The following DNAJC13 variants were observed in gnomAD, a reference collection of about 807,000 sequenced individuals.
DNAJC13 encodes the protein DnaJ heat shock protein family (Hsp40) member C13.
DNAJC13 carries 75 observed loss-of-function variants against 290.5 expected under a neutral mutation model. The observed-to-expected ratio is 0.26, with a 90% CI of 0.21 to 0.31. DNAJC13 has a LOEUF of 0.31. DNAJC13 is among the 10% of genes least tolerant of loss of function. DNAJC13 has a pLI of 1.00. For missense variants in DNAJC13, 2,260 were observed against 2,674.5 expected (o/e 0.85, Z 3.42); for synonymous variants, 862 against 892.0 (o/e 0.97, Z 0.60).
chr3:132,456,528 G>C lies in DNAJC13; in HGVS notation c.1127G>C (p.Arg376Thr). 1 of 1,613,908 alleles carries C rather than the reference G, an allele frequency of 6.2e-7. No individual in the cohort carries two copies. ...PNGNFADAVF[R>T]FNANISYSGV... ...GGCAACTTTGCAGATGCTGTATTCAGGTTCAATGCTAATATTTCATACAGT... is the reference window on the plus strand; with the variant it reads ...GGCAACTTTGCAGATGCTGTATTCACGTTCAATGCTAATATTTCATACAGT... Residue 376 changes from arginine to threonine, a missense_variant, in exon 11 of 56, where the codon AGG becomes ACG. Arg to Thr is a moderately conservative substitution (Grantham distance 71, BLOSUM62 -1). Coordinates refer to ENST00000260818, the MANE Select transcript of DNAJC13 (RefSeq NM_015268.4).
At chr3:132,480,870 A>G (rs1188714526) in intron 26 of DNAJC13, among the ~76,000 whole-genome samples, 1 of 152,194 alleles carries the variant, frequency 6.6e-6, no homozygotes, top group Non-Finnish European at 1.5e-5. Context: ...TTATAGAAGA[A>G]TCTATCCTTA....
chr3:132,505,443 G>T (rs1935554315), intron 42 of DNAJC13, 28 bp downstream of exon 42: 3 of 1,424,686 alleles, frequency 2.1e-6, no homozygotes, highest in African/African-American at 1.4e-5. Flanking sequence ...AAATTTCTTG[G>T]GTAATTTATT....
chr3:132,433,542 C>T (rs992472358), intron 1 of DNAJC13, among the ~76,000 whole-genome samples: 2 of 152,186 alleles, frequency 1.3e-5, no homozygotes, highest in African/African-American at 4.8e-5. Context: ...CTCAGAATGG[C>T]TGGGGTTATA....
intron 2 of DNAJC13, among the ~76,000 whole-genome samples, chr3:132,438,445 ATAGT>A (rs1323949527): frequency 6.6e-6 from 1 of 152,242 alleles, no homozygotes; most frequent in Non-Finnish European, 1.5e-5. Context: ...TTGTTTCAGA[ATAGT>A]TAATTGAACC....
chr3:132,534,691 T>G (rs1936538387), intron 55 of DNAJC13, among the ~76,000 whole-genome samples: 1 of 152,180 alleles, frequency 6.6e-6, no homozygotes. Flanking sequence ...ATTTCAAGAA[T>G]TAAAGCTTCT....
At chr3:132,446,139 T>A (rs1040346907) in intron 2 of DNAJC13, among the ~76,000 whole-genome samples, 4 of 151,870 alleles carry the variant, frequency 2.6e-5, no homozygotes, top group Admixed American at 6.6e-5. Context: ...TTTTTTTTTT[T>A]AATAAAACTT....
At position 132,499,271 on chromosome 3, in the gene DNAJC13, C is replaced by G. The variant is rs376410559; in HGVS notation, c.4302C>G (p.Ala1434=). Residue 1434 remains alanine (A), a synonymous_variant, in exon 37 of 56, where the codon GCC becomes GCG. Coordinates refer to ENST00000260818, the MANE Select transcript of DNAJC13 (RefSeq NM_015268.4). ...CTTTCCATACTGTCAACTGTTCAGC[C>G]CTCAATGCTGAAGAGCTCAGAAGAG... is the stretch of plus-strand genomic sequence containing the variant. ...ELAFHTVNCS[A]LNAEELRREN... is the part of the protein sequence containing the mutation. The G allele has an allele frequency of 1.2e-6, 2 of 1,613,462 alleles. No homozygotes were observed. The highest frequency in any genetic ancestry group is 1.7e-6 in the Non-Finnish European group (2 of 1,179,662).
chr3:132,429,624 C>G (rs1306098499), intron 1 of DNAJC13, among the ~76,000 whole-genome samples: 1 of 152,114 alleles, frequency 6.6e-6, no homozygotes, highest in Non-Finnish European at 1.5e-5. Context: ...GCTTCCCTAC[C>G]TTTATTAAAG....
At chr3:132,467,089 G>C in intron 19 of DNAJC13, 81 bp from the exon 20 acceptor site, 1 of 1,449,180 alleles carries the variant, frequency 6.9e-7, no homozygotes, top group East Asian at 2.4e-5. Context: ...TTATAAAATA[G>C]ATAGAATGAC....
At chr3:132,517,717 G>T (rs965003207) in intron 48 of DNAJC13, among the ~76,000 whole-genome samples, 3 of 152,066 alleles carry the variant, frequency 2.0e-5, no homozygotes, top group Non-Finnish European at 4.4e-5. Context: ...CTAAAGCCAG[G>T]GTGGCTTCCT....
chr3:132,522,300 T>C (rs757008895), intron 48 of DNAJC13, among the ~76,000 whole-genome samples: 2 of 152,232 alleles, frequency 1.3e-5, no homozygotes, highest in Admixed American at 6.5e-5. Context: ...ATGTGCTAGA[T>C]GTATTTTTTA....
In DNAJC13 at chr3:132,488,985, A is replaced by T. The variant is rs867754342; in HGVS notation, c.3432A>T (p.Lys1144Asn). The T allele has an allele frequency of 6.2e-7, 1 of 1,609,054 alleles. No individual in the cohort carries two copies. The highest frequency in any genetic ancestry group is 1.7e-4 in the Middle Eastern group (1 of 5,986). The stretch of plus-strand genomic sequence containing the variant: ...TCATTTTTCTTTCTAGATTTTTGAA[A>T]TACACACATACCAAACAGGCTTTCA... ...SNVLPVARFL[K>N]YTHTKQAFKS... Residue 1144 changes from lysine to asparagine, a missense_variant, in exon 31 of 56, where the codon AAA becomes AAT. Transcript: ENST00000260818.
intron 1 of DNAJC13, among the ~76,000 whole-genome samples, chr3:132,418,274 A>G (rs1348232245): frequency 6.6e-6 from 1 of 151,784 alleles, no homozygotes; most frequent in Middle Eastern, 3.2e-3. Flanking sequence ...TTCTAAAATC[A>G]TTTTCTCCCC....
rs1935042725 is a variant in DNAJC13 at position 132,490,957 on chromosome 3, G to A, written c.3529G>A (p.Val1177Ile). Reference protein sequence around the residue: ...ILGHILPEAMVCYLENYEPEK... With the variant: ...ILGHILPEAMICYLENYEPEK... ...TGGGCACATTCTACCTGAAGCAATG[G>A]TTTGTTACTTAGAAAATTATGAACC... is the stretch of plus-strand genomic sequence containing the variant. Residue 1177 changes from valine to isoleucine, a missense_variant, in exon 32 of 56, where the codon GTT becomes ATT. Val to Ile is a conservative substitution (Grantham distance 29). Around this residue, in one of 3 missense-constraint regions of DNAJC13, gnomAD observed 1,494 missense variants for 1,693.7 expected, o/e 0.88. Transcript: ENST00000260818. The A allele has an allele frequency of 6.2e-7, 1 of 1,612,550 alleles. No homozygotes were observed. The highest frequency in any genetic ancestry group is 8.5e-7 in the Non-Finnish European group (1 of 1,179,358).
Position 132,480,446 on chromosome 3 carries a change from A to G in DNAJC13, c.2850A>G (p.Val950=). The G allele has an allele frequency of 6.2e-7, 1 of 1,613,220 alleles. No homozygotes were observed. Residue 950 remains valine (V), a synonymous_variant, in exon 26 of 56, where the codon GTA becomes GTG. Transcript: ENST00000260818. ...TGCTTACCCTTGCACATCTCCATGT[A>G]AGCCGAGCTACAGTACCACTGCAAG... ...VDLLTLAHLH[V]SRATVPLQSN... is the part of the protein sequence containing the mutation.
At chr3:132,466,937 C>G (rs888132291) in intron 19 of DNAJC13, among the ~76,000 whole-genome samples, 3 of 152,182 alleles carry the variant, frequency 2.0e-5, no homozygotes, top group African/African-American at 7.2e-5. Flanking sequence ...TGTCTGCACC[C>G]AGCTCCCACT....
At chr3:132,448,732 A>G (rs544856049) in intron 5 of DNAJC13, among the ~76,000 whole-genome samples, 2 of 152,238 alleles carry the variant, frequency 1.3e-5, no homozygotes, top group East Asian at 3.9e-4. Flanking sequence ...GAATATTTCT[A>G]TGAATATTCT....
intron 36 of DNAJC13, among the ~76,000 whole-genome samples, chr3:132,497,856 C>CT (rs553645034): frequency 0.07 from 10,122 of 144,152 alleles, 403 homozygotes; most frequent in Non-Finnish European, 0.098. Context: ...GTATGTGTCA[C>CT]TTTTTTTTTT....
At chr3:132,496,746 C>A in intron 36 of DNAJC13, 83 bp downstream of exon 36, 1 of 1,120,478 alleles carries the variant, frequency 8.9e-7, no homozygotes, top group Non-Finnish European at 1.2e-6. Context: ...CCTGTTTCTA[C>A]AGCATATTTA....
Sources: gnomAD v4.1 joint callset for allele counts (sites outside exome capture counted in the v4.1 genomes callset) on GRCh38, gnomAD v4.1.1 for gene constraint, gnomAD v4.1.1 regional missense constraint, MANE v1.5 for transcripts, NCBI Gene and HGNC (gene_info 2026-07-23, HGNC 2026-07-21) for gene names.